The following TJP2 variants were observed in gnomAD, a reference collection of about 807,000 sequenced individuals.
The protein encoded by TJP2 is tight junction protein 2, also known as Friedreich ataxia region gene X104 (tight junction protein ZO-2).
TJP2 carries 91 observed loss-of-function variants against 133.1 expected under a neutral mutation model. The ratio of observed to expected loss-of-function variants is 0.68; its 90% confidence interval spans 0.58 to 0.81. The LOEUF (loss-of-function observed/expected upper bound fraction) is 0.81. TJP2 is among the 40% of genes least tolerant of loss of function. The probability of loss-of-function intolerance (pLI) is 0.00; values close to 1 mark genes in which losing one functional copy is unlikely to be tolerated. For missense variants in TJP2, 1,541 were observed against 1,565.6 expected (o/e 0.98, Z 0.26); for synonymous variants, 592 against 583.4 (o/e 1.01, Z -0.21).
intron 10 of TJP2, among the ~76,000 whole-genome samples, chr9:69,229,844 G>A (rs1563937295): frequency 6.6e-6 from 1 of 152,154 alleles, no homozygotes; most frequent in African/African-American, 2.4e-5. Context: ...AAGAGTTGCT[G>A]TAAAGATTCT....
At chr9:69,141,022 T>C (rs1457337269) in intron 1 of TJP2, among the ~76,000 whole-genome samples, 1 of 152,026 alleles carries the variant, frequency 6.6e-6, no homozygotes, top group East Asian at 1.9e-4. Context: ...AATTTTTGTA[T>C]TTTTTTAGTA....
At chr9:69,157,621 A>G (rs1823840717) in intron 2 of TJP2, among the ~76,000 whole-genome samples, 1 of 152,052 alleles carries the variant, frequency 6.6e-6, no homozygotes, top group Admixed American at 6.6e-5. Context: ...ACACGCCACC[A>G]TGCCTAGCTA....
rs2132935424 is a variant in TJP2 at position 69,174,369 on chromosome 9, C to G, written c.-4C>G. On this transcript the variant is annotated 5_prime_UTR_variant, in exon 1 of 23. Transcript: ENST00000377245. ...TGCGCGCCTACGCGGGACCTGTGTC[C>G]GAAATGCCGGTGCGAGGAGACCGCG... is the stretch of plus-strand genomic sequence containing the variant. 1 of 1,551,794 alleles carries G rather than the reference C, an allele frequency of 6.4e-7. No individual in the cohort carries two copies. Among genetic ancestry groups the G allele is most frequent in the Non-Finnish European group, 8.7e-7 (1 of 1,147,058 alleles).
At chr9:69,206,823 C>T (rs529989394) in intron 1 of TJP2, among the ~76,000 whole-genome samples, 87 of 152,302 alleles carry the variant, frequency 5.7e-4, no homozygotes, top group Non-Finnish European at 1.0e-3. Context: ...GTGATCCACC[C>T]GCCTCGGCCT....
intron 2 of TJP2, among the ~76,000 whole-genome samples, chr9:69,166,734 G>A (rs1824376583): frequency 1.3e-5 from 2 of 151,838 alleles, no homozygotes; most frequent in Non-Finnish European, 2.9e-5. Flanking sequence ...CAAAGTGCTG[G>A]GATTACAGGC....
intron 1 of TJP2, among the ~76,000 whole-genome samples, chr9:69,191,884 G>A (rs570719435): frequency 2.0e-5 from 3 of 150,824 alleles, no homozygotes; most frequent in Non-Finnish European, 4.4e-5. Context: ...TTATAGGCAC[G>A]TACCACCACG....
intron 1 of TJP2, among the ~76,000 whole-genome samples, chr9:69,182,935 C>T (rs1188091715): frequency 5.9e-5 from 9 of 151,312 alleles, no homozygotes; most frequent in South Asian, 2.1e-4. Flanking sequence ...ACTACAGGTG[C>T]GCACCACCAT....
intron 1 of TJP2, among the ~76,000 whole-genome samples, chr9:69,175,835 C>A (rs1825043221): frequency 6.6e-6 from 1 of 152,060 alleles, no homozygotes. Context: ...GCAGTGGGGC[C>A]ACTTTATTTC....
chr9:69,228,751 G>A (rs1267327778), intron 9 of TJP2, among the ~76,000 whole-genome samples: 1 of 152,094 alleles, frequency 6.6e-6, no homozygotes, highest in African/African-American at 2.4e-5. Context: ...TTGTCTAAAT[G>A]CCATTAGAAT....
chr9:69,231,362 T>A (rs1829767970), intron 11 of TJP2, among the ~76,000 whole-genome samples: 1 of 152,174 alleles, frequency 6.6e-6, no homozygotes, highest in Non-Finnish European at 1.5e-5. Context: ...CCTCCCAAAG[T>A]GCTGGGATTA....
At chr9:69,180,006 G>A (rs1379399339) in intron 1 of TJP2, among the ~76,000 whole-genome samples, 3 of 152,082 alleles carry the variant, frequency 2.0e-5, no homozygotes, top group African/African-American at 7.2e-5. Context: ...TATTTCTATT[G>A]TAGACTTTAA....
intron 1 of TJP2, among the ~76,000 whole-genome samples, chr9:69,198,173 A>T (rs1554778286): frequency 1.1e-5 from 1 of 94,666 alleles, no homozygotes; most frequent in Non-Finnish European, 2.0e-5. Flanking sequence ...ACTGAGTTTC[A>T]CTCTGTCACC....
chr9:69,197,209 G>A (rs1266302949), intron 1 of TJP2, among the ~76,000 whole-genome samples: 3 of 151,990 alleles, frequency 2.0e-5, no homozygotes, highest in Admixed American at 6.6e-5. Flanking sequence ...CACCTGCCTC[G>A]ACCTCCCACA....
chr9:69,195,237 A>G (rs58264616), intron 1 of TJP2, among the ~76,000 whole-genome samples: 57,360 of 151,572 alleles, frequency 0.38, 11,051 homozygotes, highest in South Asian at 0.44. Context: ...AGTGTTATAT[A>G]AGTTTAGTCA....
At chr9:69,196,945 G>GTGTA (rs1826611377) in intron 1 of TJP2, among the ~76,000 whole-genome samples, 1 of 58,566 alleles carries the variant, frequency 1.7e-5, no homozygotes, top group African/African-American at 5.9e-5. Context: ...GTGTGTGTGT[G>GTGTA]TACACACACA....
At chr9:69,246,581 T>C (rs1402797105) in intron 17 of TJP2, 109 bp from the exon 18 acceptor site, 2 of 925,510 alleles carry the variant, frequency 2.2e-6, no homozygotes, top group South Asian at 1.4e-5. Context: ...TTCTTGCGTC[T>C]GCCATAGTCT....
intron 17 of TJP2, among the ~76,000 whole-genome samples, chr9:69,240,707 G>A (rs913028149): frequency 2.0e-5 from 3 of 151,924 alleles, no homozygotes; most frequent in Non-Finnish European, 2.9e-5. Flanking sequence ...TATGGCTGAG[G>A]TTGGAGGATC....
At chr9:69,238,636 TGATGCTAG>T (rs1830367244) in intron 15 of TJP2, 66 bp from the exon 16 acceptor site, 1 of 1,188,876 alleles carries the variant, frequency 8.4e-7, no homozygotes, top group South Asian at 1.3e-5. Flanking sequence ...CATCATTGCT[TGATGCTAG>T]GTGGGAGTAT....
intron 1 of TJP2, among the ~76,000 whole-genome samples, chr9:69,125,300 G>C (rs1822273304): frequency 1.8e-5 from 1 of 57,010 alleles, no homozygotes; most frequent in South Asian, 5.6e-4. Flanking sequence ...AGCACCCTGA[G>C]TGATTTTTTT....
Sources: allele counts gnomAD v4.1 joint callset (sites outside exome capture counted in the v4.1 genomes callset), GRCh38; gene constraint gnomAD v4.1.1; transcripts MANE v1.5; gene names NCBI Gene and HGNC (gene_info 2026-07-23, HGNC 2026-07-21).